PPA2: variants seen among roughly 807,000 people sequenced by gnomAD.
PPA2 encodes the protein inorganic pyrophosphatase 2, mitochondrial.
PPA2 carries 48 observed loss-of-function variants against 49.5 expected under a neutral mutation model. The observed-to-expected ratio is 0.97, with a 90% CI of 0.77 to 1.23. The LOEUF is 1.23. PPA2 is among the 50% of genes most tolerant of loss of function. PPA2 has a pLI of 0.00. For missense variants in PPA2, 429 were observed against 410.1 expected (o/e 1.05, Z -0.40); for synonymous variants, 131 against 139.9 (o/e 0.94, Z 0.45).
chr4:105,376,585 C>T (rs1178455799), intron 10 of PPA2, among the ~76,000 whole-genome samples: 1 of 152,134 alleles, frequency 6.6e-6, no homozygotes. Flanking sequence ...CTCTGGGAGG[C>T]ATTCTATCTG....
At chr4:105,449,617 C>T (rs1242307211) in intron 3 of PPA2, among the ~76,000 whole-genome samples, 1 of 152,170 alleles carries the variant, frequency 6.6e-6, no homozygotes, top group Non-Finnish European at 1.5e-5. Context: ...TGAGCACTTA[C>T]ACACAGTGTC....
At chr4:105,379,463 AGAT>A (rs141200373) in intron 10 of PPA2, among the ~76,000 whole-genome samples, 9,153 of 83,702 alleles carry the variant, frequency 0.11, 343 homozygotes, top group Non-Finnish European at 0.15. Context: ...ATAGATAGAT[AGAT>A]ATCTCAAGCA....
intron 10 of PPA2, among the ~76,000 whole-genome samples, chr4:105,375,804 C>A (rs904351329): frequency 2.6e-5 from 4 of 152,120 alleles, no homozygotes; most frequent in South Asian, 2.1e-4. Context: ...CCAAAGGAAC[C>A]ATTTGAGGAA....
chr4:105,375,179 C>A (rs1184261124), intron 10 of PPA2, among the ~76,000 whole-genome samples: 1 of 151,998 alleles, frequency 6.6e-6, no homozygotes, highest in African/African-American at 2.4e-5. Context: ...ATTAATACTT[C>A]CTCTTCAAGA....
At chr4:105,397,761 C>T (rs1734206201) in intron 8 of PPA2, among the ~76,000 whole-genome samples, 1 of 152,162 alleles carries the variant, frequency 6.6e-6, no homozygotes, top group Non-Finnish European at 1.5e-5. Context: ...TTCCACCTCT[C>T]TCACTTGCTT....
chr4:105,471,644 A>G (rs1283739644), intron 1 of PPA2, among the ~76,000 whole-genome samples: 1 of 152,172 alleles, frequency 6.6e-6, no homozygotes, highest in East Asian at 1.9e-4. Flanking sequence ...CCAATCTGTG[A>G]TCATCTTTAT....
At chr4:105,404,351 G>T in intron 7 of PPA2, among the ~76,000 whole-genome samples, 1 of 151,698 alleles carries the variant, frequency 6.6e-6, no homozygotes, top group African/African-American at 2.4e-5. Context: ...ATAATTAAAA[G>T]ATAAATATTA....
chr4:105,417,860 C>T (rs1402180086), intron 7 of PPA2, among the ~76,000 whole-genome samples: 6 of 152,070 alleles, frequency 3.9e-5, no homozygotes, highest in South Asian at 2.1e-4. Flanking sequence ...CTGACTAACC[C>T]GGCATTTTTC....
Position 105,427,104 on chromosome 4 carries a change from G to A in PPA2, c.529-2782C>T, listed in dbSNP as rs1403263903. Among the ~76,000 whole-genome samples the A allele has an allele frequency of 2.6e-5, 4 of 152,140 alleles. No homozygotes were observed. In the East Asian group the frequency reaches 7.7e-4, roughly 29 times the overall value. ...AAACTCCAACAGACCTGCAGCTGAG[G>A]GACCTGTCTGTTAGAAGGAAAACTA... On this transcript the variant is annotated intron_variant, in intron 6 of 11. Coordinates refer to ENST00000341695, the MANE Select transcript of PPA2 (RefSeq NM_176869.3).
chr4:105,463,496 T>C (rs2110327379), intron 1 of PPA2, among the ~76,000 whole-genome samples: 1 of 152,242 alleles, frequency 6.6e-6, no homozygotes, highest in South Asian at 2.1e-4. Flanking sequence ...TGAGAAGAAA[T>C]TCAAGCCAGC....
At chr4:105,377,416 C>T (rs775709978) in intron 10 of PPA2, among the ~76,000 whole-genome samples, 8 of 151,896 alleles carry the variant, frequency 5.3e-5, no homozygotes, top group Non-Finnish European at 1.2e-4. Flanking sequence ...TATTATAAGC[C>T]CCATTTTATA....
At chr4:105,375,501 A>G (rs1316109826) in intron 10 of PPA2, among the ~76,000 whole-genome samples, 1 of 152,160 alleles carries the variant, frequency 6.6e-6, no homozygotes, top group East Asian at 1.9e-4. Context: ...AGAAAATTAC[A>G]TCCTAAGATC....
intron 6 of PPA2, among the ~76,000 whole-genome samples, chr4:105,430,027 T>G (rs1027172913): frequency 6.6e-6 from 1 of 152,236 alleles, no homozygotes; most frequent in African/African-American, 2.4e-5. Context: ...ATTCTTTGTA[T>G]ATATCCTTTT....
chr4:105,437,987 T>C lies in PPA2; in HGVS notation c.491A>G (p.Asp164Gly). ...TTCGCAAACATCAATAGGATCATTA[T>C]CTCCAAAGCAGTTCGTGCTCTTATC... is the stretch of plus-strand genomic sequence containing the variant. ...EKDKSTNCFG[D>G]NDPIDVCEIG... The change falls in exon 6 of 12, where the codon GAT (aspartate) becomes GGT (glycine). Residue 164 changes from aspartate to glycine, a missense_variant. Physicochemically the swap from Asp to Gly is moderately conservative, Grantham distance 94. Transcript: ENST00000341695. 6.2e-7 allele frequency: 1 copy of C among 1,609,722 alleles called. No homozygotes were observed. Among genetic ancestry groups the C allele is most frequent in the Non-Finnish European group, 8.5e-7 (1 of 1,178,904 alleles).
In PPA2 at chr4:105,386,584, T is replaced by C. The variant is rs1443458042; in HGVS notation, c.922A>G (p.Arg308Gly). The C allele has an allele frequency of 6.2e-7, 1 of 1,612,044 alleles. No individual in the cohort carries two copies. Among genetic ancestry groups the C allele is most frequent in the East Asian group, 2.2e-5 (1 of 44,752 alleles). The change falls in exon 10 of 12, where the codon AGA (arginine) becomes GGA (glycine). Residue 308 changes from arginine (R) to glycine (G), a missense_variant. Arg to Gly is a moderately radical substitution (Grantham distance 125). Coordinates refer to ENST00000341695, the MANE Select transcript of PPA2 (RefSeq NM_176869.3). ...SPFRCTQEEA[R>G]SLVESVSSSP... ...CCCCTTACCGATTCAACTAATGATC[T>C]TGCTTCCTCTTGAGTGCAACGGAAA...
intron 10 of PPA2, among the ~76,000 whole-genome samples, chr4:105,380,083 C>T (rs1195134517): frequency 2.0e-5 from 3 of 152,114 alleles, no homozygotes. Context: ...CTTTTTATTG[C>T]CTTATTGCAC....
At chr4:105,446,206 G>C in intron 5 of PPA2, 177 bp downstream of exon 5, 1 of 563,786 alleles carries the variant, frequency 1.8e-6, no homozygotes, top group Non-Finnish European at 2.9e-6. Flanking sequence ...CATATATATG[G>C]TTTAAAACAA....
intron 10 of PPA2, among the ~76,000 whole-genome samples, chr4:105,373,459 CA>C (rs1300239330): frequency 2.8e-5 from 4 of 140,600 alleles, no homozygotes; most frequent in Middle Eastern, 7.3e-3. Context: ...TATAACAATA[CA>C]AAATTTTTTT....
chr4:105,388,188 G>C (rs532161843), intron 9 of PPA2, among the ~76,000 whole-genome samples: 53 of 152,160 alleles, frequency 3.5e-4, no homozygotes, highest in African/African-American at 1.3e-3. Flanking sequence ...AATATTGAAA[G>C]AGACACACAC....
Sources: allele counts gnomAD v4.1 joint callset (sites outside exome capture counted in the v4.1 genomes callset), GRCh38; gene constraint gnomAD v4.1.1; transcripts MANE v1.5; gene names NCBI Gene and HGNC (gene_info 2026-07-23, HGNC 2026-07-21).